Variants in IGF2BP3 observed in about 807,000 individuals in gnomAD.
IGF2BP3 encodes insulin like growth factor 2 mRNA binding protein 3.
In IGF2BP3, 9 loss-of-function variants were observed where a neutral mutation model predicts 73.8. The ratio of observed to expected loss-of-function variants is 0.12; its 90% CI spans 0.07 to 0.21. IGF2BP3 has a LOEUF of 0.21. Among genes scored for constraint, IGF2BP3 ranks in the 10% least tolerant of loss-of-function variants. The pLI is 1.00. For missense variants in IGF2BP3, 542 were observed against 714.0 expected, an observed-to-expected ratio of 0.76 and a Z score of 2.75; for synonymous variants, 258 against 256.7, an observed-to-expected ratio of 1.01 and a Z score of -0.05.
intron 2 of IGF2BP3, among the ~76,000 whole-genome samples, chr7:23,465,976 G>C (rs1788557305): frequency 1.3e-5 from 2 of 151,906 alleles, no homozygotes; most frequent in South Asian, 4.1e-4. Context: ...AGCTCCAAGG[G>C]TCAGTTAAAA....
At chr7:23,374,958 G>A (rs1374494706) in intron 3 of IGF2BP3, among the ~76,000 whole-genome samples, 1 of 151,914 alleles carries the variant, frequency 6.6e-6, no homozygotes, top group Non-Finnish European at 1.5e-5. Flanking sequence ...CCCCGTTCAG[G>A]GTCCCTGACT....
intron 3 of IGF2BP3, among the ~76,000 whole-genome samples, chr7:23,376,555 A>AAAG (rs1554323189): frequency 3.8e-4 from 53 of 140,162 alleles, no homozygotes; most frequent in Non-Finnish European, 6.7e-4. Context: ...AAAAAAAAAA[A>AAAG]AAAGAAAGAA....
At chr7:23,457,745 A>G (rs753742651) in intron 2 of IGF2BP3, among the ~76,000 whole-genome samples, 10 of 152,244 alleles carry the variant, frequency 6.6e-5, no homozygotes, top group Non-Finnish European at 1.5e-4. Context: ...TATATTCAGC[A>G]ACGAGTGTAA....
chr7:23,435,996 A>G (rs1244768587), intron 2 of IGF2BP3, among the ~76,000 whole-genome samples: 1 of 152,118 alleles, frequency 6.6e-6, no homozygotes, highest in Non-Finnish European at 1.5e-5. Flanking sequence ...ACCGCAAGTG[A>G]TCCACCTGCC....
intron 11 of IGF2BP3, among the ~76,000 whole-genome samples, chr7:23,318,221 C>A (rs897345543): frequency 4.6e-5 from 7 of 152,130 alleles, no homozygotes; most frequent in Non-Finnish European, 7.4e-5. Flanking sequence ...ATACTGCACA[C>A]CACATGCCTT....
At chr7:23,456,702 A>AT (rs1484995380) in intron 2 of IGF2BP3, among the ~76,000 whole-genome samples, 2 of 152,128 alleles carry the variant, frequency 1.3e-5, no homozygotes, top group East Asian at 3.8e-4. Flanking sequence ...TGCACACTTC[A>AT]TTGAAAGAAG....
intron 2 of IGF2BP3, among the ~76,000 whole-genome samples, chr7:23,459,133 C>A (rs866349586): frequency 2.6e-5 from 4 of 152,246 alleles, no homozygotes; most frequent in African/African-American, 7.2e-5. Flanking sequence ...CTCTATTGAT[C>A]AAAGGACTTG....
At chr7:23,320,766 G>C (rs1287439295) in intron 10 of IGF2BP3, among the ~76,000 whole-genome samples, 2 of 151,234 alleles carry the variant, frequency 1.3e-5, no homozygotes, top group African/African-American at 4.9e-5. Context: ...TGGGCAACAT[G>C]GCAAAACCCC....
intron 10 of IGF2BP3, among the ~76,000 whole-genome samples, chr7:23,323,635 C>A (rs1472972524): frequency 1.3e-5 from 2 of 151,684 alleles, no homozygotes; most frequent in Non-Finnish European, 2.9e-5. Flanking sequence ...CAGCACCACA[C>A]CACACCTATT....
intron 2 of IGF2BP3, among the ~76,000 whole-genome samples, chr7:23,423,739 G>A (rs1028500539): frequency 3.3e-5 from 5 of 151,306 alleles, no homozygotes; most frequent in Admixed American, 1.3e-4. Flanking sequence ...TAAAGGGACC[G>A]AGAAAAACAA....
intron 3 of IGF2BP3, among the ~76,000 whole-genome samples, chr7:23,393,685 A>G (rs1029627431): frequency 6.6e-6 from 1 of 152,188 alleles, no homozygotes; most frequent in Non-Finnish European, 1.5e-5. Flanking sequence ...TAAAATAAAC[A>G]TGGAAGTTGA....
intron 8 of IGF2BP3, among the ~76,000 whole-genome samples, chr7:23,344,083 C>T (rs1784776024): frequency 6.6e-6 from 1 of 152,152 alleles, no homozygotes; most frequent in Non-Finnish European, 1.5e-5. Context: ...CTAACGATTA[C>T]TGGATACATA....
In IGF2BP3 at chr7:23,312,460, C is replaced by A. The variant is rs1783858886; in HGVS notation, c.1642G>T (p.Val548Phe). The A allele has an allele frequency of 6.2e-7, 1 of 1,607,910 alleles. No homozygotes were observed. Residue 548 changes from valine (V) to phenylalanine (F), a missense_variant and splice_region_variant, in exon 15 of 15, where the codon GTT (valine) becomes TTT (phenylalanine). Physicochemically the swap from Val to Phe is conservative, Grantham distance 50 (BLOSUM62 -1). Transcript: ENST00000258729. ...ATTTCCTGAATTTTTCTCTGGGCAA[C>A]CTAGAAAAGGACAGAGCTTTGAAAT... Reference protein sequence around the residue: ...KITGHFYACQVAQRKIQEILT... With the variant: ...KITGHFYACQFAQRKIQEILT...
rs1247216492 is a variant in IGF2BP3, at chr7:23,435,763, CTTTG to C, written c.237-16943_237-16940del. Among the ~76,000 whole-genome samples, 259 of 145,710 alleles carry C rather than the reference CTTTG, an allele frequency of 1.8e-3. 1 individual carries two copies. The highest frequency in any genetic ancestry group is 5.2e-3 in the African/African-American group (206 of 39,248). On this transcript the variant is annotated intron_variant, in intron 2 of 14. Transcript: ENST00000258729. The stretch of plus-strand genomic sequence containing the variant: ...GAGCCACTGTGCCTGGCCTTTTTGT[CTTTG>C]TTTGTTTTTTGAGACAGTCTCGCTC...
At chr7:23,397,455 C>A (rs1452831634) in intron 3 of IGF2BP3, among the ~76,000 whole-genome samples, 1 of 152,184 alleles carries the variant, frequency 6.6e-6, no homozygotes, top group Non-Finnish European at 1.5e-5. Context: ...TGATGTTGAA[C>A]TGCAGCCGTC....
At chr7:23,349,094 TTA>T (rs1407606347) in intron 6 of IGF2BP3, among the ~76,000 whole-genome samples, 2 of 152,228 alleles carry the variant, frequency 1.3e-5, no homozygotes, top group Non-Finnish European at 2.9e-5. Flanking sequence ...ATTTACATAT[TTA>T]TATGTTTTGA....
chr7:23,438,909 T>C (rs190848005), intron 2 of IGF2BP3, among the ~76,000 whole-genome samples: 1 of 152,268 alleles, frequency 6.6e-6, no homozygotes, highest in African/African-American at 2.4e-5. Flanking sequence ...ACCATTATAG[T>C]TGTTAAAAAT....
At chr7:23,393,519 CGGAAACCGTGCCCCCAAAG>C (rs573727651) in intron 3 of IGF2BP3, among the ~76,000 whole-genome samples, 9 of 152,152 alleles carry the variant, frequency 5.9e-5, no homozygotes, top group African/African-American at 2.2e-4. Flanking sequence ...CTAAGGGGCT[CGGAAACCGTGCCCCCAAAG>C]GGAAACAGGC....
intron 2 of IGF2BP3, among the ~76,000 whole-genome samples, chr7:23,451,557 G>C (rs1367084191): frequency 6.6e-6 from 1 of 152,036 alleles, no homozygotes; most frequent in Non-Finnish European, 1.5e-5. Context: ...TTGCACCATT[G>C]AATTCCACCT....
Sources: allele counts gnomAD v4.1 joint callset (sites outside exome capture counted in the v4.1 genomes callset), GRCh38; gene constraint gnomAD v4.1.1; transcripts MANE v1.5; gene names NCBI Gene and HGNC (gene_info 2026-07-23, HGNC 2026-07-21).